Variants in ALPK2 observed in about 807,000 individuals in gnomAD.
The protein encoded by ALPK2 is alpha-protein kinase 2.
Under a neutral mutation model 163.1 loss-of-function variants are expected in ALPK2, and 127 were observed. That is an observed-to-expected ratio of 0.78 (90% CI 0.67 to 0.90). ALPK2 has a LOEUF of 0.90. Among genes scored for constraint, ALPK2 ranks in the 40% least tolerant of loss-of-function variants. ALPK2 has a pLI of 0.00. For synonymous variants in ALPK2, 953 were observed against 959.1 expected, an observed-to-expected ratio of 0.99 and a Z score of 0.12; for missense variants, 2,360 against 2,589.6, an observed-to-expected ratio of 0.91 and a Z score of 1.92.
chr18:58,568,657 GA>G, intron 4 of ALPK2, among the ~76,000 whole-genome samples: 1 of 152,310 alleles, frequency 6.6e-6, no homozygotes, highest in Non-Finnish European at 1.5e-5. Flanking sequence ...GAGATTTGGG[GA>G]AAAATTGCAT....
rs577596399 is a variant in ALPK2 at position 58,536,877 on chromosome 18, C to G, written c.3310G>C (p.Asp1104His). The change falls in exon 5 of 13, where the codon GAT (aspartate) becomes CAT (histidine). Residue 1104 changes from aspartate (D) to histidine (H), a missense_variant. Physicochemically the swap from Asp to His is moderately conservative, Grantham distance 81. Transcript: ENST00000361673. ...TGGCTCTTATCTCCAGACAGGTTATCAACCTGAAGAGGGGAATTACTGCAG... is the reference window on the plus strand; with the variant it reads ...TGGCTCTTATCTCCAGACAGGTTATGAACCTGAAGAGGGGAATTACTGCAG... The part of the protein sequence containing the change: ...GFCSNSPLQV[D>H]NLSGDKSQTV... 1.2e-6 allele frequency: 2 copies of G among 1,614,192 alleles called. No individual in the cohort carries two copies. Among genetic ancestry groups the G allele is most frequent in the Admixed American group, 1.7e-5 (1 of 60,024 alleles).
At chr18:58,511,030 G>A (rs528136177) in intron 10 of ALPK2, among the ~76,000 whole-genome samples, 2,004 of 152,230 alleles carry the variant, frequency 0.013, 41 homozygotes, top group African/African-American at 0.044. Flanking sequence ...GTTTGTCATA[G>A]ATAGCTCTTA....
intron 4 of ALPK2, among the ~76,000 whole-genome samples, chr18:58,560,550 C>A (rs965917194): frequency 3.9e-5 from 6 of 152,182 alleles, no homozygotes; most frequent in African/African-American, 1.4e-4. Flanking sequence ...TTATAAGGAC[C>A]CTTGAGACCA....
chr18:58,579,733 A>G lies in ALPK2; in HGVS notation c.1043T>C (p.Leu348Pro), dbSNP rs1234133150. ...TAAAAAAACATGCTCAGTCCCCAGC[A>G]GGTTCCTTTGCCAAACTGCATTAGA... ...DYSNAVWQRN[L>P]LGTEHVFLLE... Residue 348 changes from leucine (L) to proline (P), a missense_variant, in exon 4 of 13, where the codon CTG becomes CCG. Leu to Pro is a moderately conservative substitution (Grantham distance 98). Transcript: ENST00000361673. 6.2e-7 allele frequency: 1 copy of G among 1,614,266 alleles called. No individual in the cohort carries two copies. Among genetic ancestry groups the G allele is most frequent in the East Asian group, 2.2e-5 (1 of 44,890 alleles).
In ALPK2 at chr18:58,621,191, A is replaced by T. The variant is rs568100805; in HGVS notation, c.-21+7573T>A. Among the ~76,000 whole-genome samples, 120 of 151,780 alleles carry T rather than the reference A, an allele frequency of 7.9e-4. 1 individual carries two copies. The highest frequency in any genetic ancestry group is 3.4e-3 in the Middle Eastern group (1 of 294). The stretch of plus-strand genomic sequence containing the variant: ...AAAAATGAGACTCTGATAATGGAAT[A>T]AAAAAAATGCACTGATATGGAATAA... On this transcript the variant is annotated intron_variant, in intron 1 of 12. Coordinates refer to ENST00000361673, the MANE Select transcript of ALPK2 (RefSeq NM_052947.4).
intron 2 of ALPK2, among the ~76,000 whole-genome samples, chr18:58,607,991 G>A (rs12373416): frequency 0.017 from 2,587 of 152,236 alleles, 60 homozygotes; most frequent in African/African-American, 0.058. Flanking sequence ...TAACCCAGCA[G>A]TTTTACCCCA....
rs33920285 is a variant in ALPK2 at position 58,556,169 on chromosome 18, T to TCACACACACACACA, written c.1963-17959_1963-17946dup. Among the ~76,000 whole-genome samples the TCACACACACACACA allele has an allele frequency of 7.5e-3, 1,116 of 149,096 alleles. 17 individuals are homozygous for TCACACACACACACA. The highest frequency in any genetic ancestry group is 0.026 in the African/African-American group (1,042 of 39,370). ...ATTCATTAATTTATTGGACTAGATC[T>TCACACACACACACA]CACACACACACACACACGCACACAC... On this transcript the variant is annotated intron_variant, in intron 4 of 12. Coordinates refer to ENST00000361673, the MANE Select transcript of ALPK2 (RefSeq NM_052947.4).
rs2051574980 is a variant in ALPK2 at position 58,524,681 on chromosome 18, C to T, written c.5502-619G>A. 2.0e-5 allele frequency among the ~76,000 whole-genome samples: 3 copies of T among 152,292 alleles called. No homozygotes were observed. In the South Asian group the frequency reaches 6.2e-4, roughly 32 times the overall value. ...ATGCCAATAGCTAATGTGCACTGAG[C>T]ATTTGGTATGTACCAGGCATTGTGC... On this transcript the variant is annotated intron_variant, in intron 6 of 12. Coordinates refer to ENST00000361673, the MANE Select transcript of ALPK2 (RefSeq NM_052947.4).
At chr18:58,508,705 T>C (rs1286383863) in intron 10 of ALPK2, among the ~76,000 whole-genome samples, 1 of 152,166 alleles carries the variant, frequency 6.6e-6, no homozygotes, top group Non-Finnish European at 1.5e-5. Context: ...CCAGCAGCCC[T>C]TGGGGCTGCT....
chr18:58,556,289 C>T lies in ALPK2; in HGVS notation c.1963-18065G>A, dbSNP rs555625265. 5.3e-5 allele frequency among the ~76,000 whole-genome samples: 8 copies of T among 152,246 alleles called. No homozygotes were observed. In the East Asian group the frequency reaches 7.7e-4, roughly 15 times the overall value. ...CTTCACCAGAGGCCACCACTGTTAT[C>T]GACAGTTATTTTAGTTTTGAGGAGA... On this transcript the variant is annotated intron_variant, in intron 4 of 12. Coordinates refer to ENST00000361673, the MANE Select transcript of ALPK2 (RefSeq NM_052947.4).
chr18:58,520,780 C>A (rs930107512), intron 8 of ALPK2, among the ~76,000 whole-genome samples: 9 of 152,104 alleles, frequency 5.9e-5, no homozygotes, highest in Non-Finnish European at 1.3e-4. Context: ...ATTATTTATT[C>A]CTCCTATAGA....
chr18:58,570,945 G>A (rs1417590667), intron 4 of ALPK2, among the ~76,000 whole-genome samples: 1 of 152,226 alleles, frequency 6.6e-6, no homozygotes, highest in South Asian at 2.1e-4. Flanking sequence ...ATGTTTTCCT[G>A]GCCACTGGTA....
Position 58,503,947 on chromosome 18 carries a change from C to G in ALPK2, c.6231G>C (p.Leu2077=). ...WVYQKTSGCL[L]VTDMQGVGMK... ...TTTCCTCACCTTGCATGTCCGTCACCAGGAGGCAGCCACTTGTTTTCTGGT... is the reference window on the plus strand; with the variant it reads ...TTTCCTCACCTTGCATGTCCGTCACGAGGAGGCAGCCACTTGTTTTCTGGT... The change falls in exon 11 of 13, where the codon CTG becomes CTC. Residue 2077 remains leucine, a synonymous_variant. Coordinates refer to ENST00000361673, the MANE Select transcript of ALPK2 (RefSeq NM_052947.4). 6.2e-7 allele frequency: 1 copy of G among 1,613,658 alleles called. No individual in the cohort carries two copies. Among genetic ancestry groups the G allele is most frequent in the South Asian group, 1.1e-5 (1 of 90,958 alleles).
At chr18:58,577,797 T>A (rs1369353547) in intron 4 of ALPK2, 1 of 152,250 alleles carries the variant, frequency 6.6e-6, no homozygotes, top group African/African-American at 2.4e-5. Context: ...GTGTCAATTT[T>A]TAATATTTTC....
chr18:58,496,839 A>G (rs1235893942), intron 12 of ALPK2, among the ~76,000 whole-genome samples: 1 of 152,132 alleles, frequency 6.6e-6, no homozygotes, highest in African/African-American at 2.4e-5. Context: ...AGCCTTTCAT[A>G]TATATGCAAA....
intron 10 of ALPK2, chr18:58,512,271 AG>A (rs2051494049): frequency 6.6e-6 from 1 of 152,268 alleles, no homozygotes; most frequent in African/African-American, 2.4e-5. Flanking sequence ...GGCATTATTC[AG>A]GGTCTTAATT....
chr18:58,511,689 T>G (rs937636313), intron 10 of ALPK2: 1 of 152,206 alleles, frequency 6.6e-6, no homozygotes, highest in African/African-American at 2.4e-5. Context: ...CTATAAAATA[T>G]TACACTTCAA....
In ALPK2 at chr18:58,620,017, G is replaced by A. The variant is rs74255450; in HGVS notation, c.-20-8200C>T. Among the ~76,000 whole-genome samples, 492 of 152,276 alleles carry A rather than the reference G, an allele frequency of 3.2e-3. 6 individuals carry two copies. The East Asian group carries it at 0.042, about 13-fold the overall frequency. ...GAACAAACTATGGATACGGTGGGGC[G>A]CGGTGGCTCACGCCTGTTATCCCAG... On this transcript the variant is annotated intron_variant, in intron 1 of 12. Coordinates refer to ENST00000361673, the MANE Select transcript of ALPK2 (RefSeq NM_052947.4).
chr18:58,501,785 A>G (rs184948667), intron 11 of ALPK2, among the ~76,000 whole-genome samples: 10 of 152,280 alleles, frequency 6.6e-5, no homozygotes, highest in Admixed American at 2.0e-4. Flanking sequence ...CAGGGTTATT[A>G]TGAAGATTAA....
Sources: gnomAD v4.1 joint callset for allele counts (sites outside exome capture counted in the v4.1 genomes callset) on GRCh38, gnomAD v4.1.1 for gene constraint, MANE v1.5 for transcripts, NCBI Gene and HGNC (gene_info 2026-07-23, HGNC 2026-07-21) for gene names.